Variants in TRIM54 observed in about 807,000 individuals in gnomAD.
TRIM54 encodes the protein tripartite motif-containing protein 54.
TRIM54 carries 40 observed loss-of-function variants against 42.0 expected under a neutral mutation model. The observed-to-expected ratio is 0.95, with a 90% CI of 0.74 to 1.24. TRIM54 has a LOEUF of 1.24. Ranked by LOEUF, TRIM54 falls within the 50% of genes most tolerant of loss-of-function variation. TRIM54 has a pLI of 0.00. For synonymous variants in TRIM54, 199 were observed against 194.9 expected, an observed-to-expected ratio of 1.02 and a Z score of -0.17; for missense variants, 485 against 480.3, an observed-to-expected ratio of 1.01 and a Z score of -0.09.
intron 3 of TRIM54, 27 bp downstream of exon 3, chr2:27,299,443 T>C (rs1338243435): frequency 6.2e-7 from 1 of 1,609,520 alleles, no homozygotes; most frequent in East Asian, 2.2e-5. Context: ...GGAGTAGATA[T>C]GTGAGAGATG....
intron 4 of TRIM54, 44 bp from the exon 5 acceptor site, chr2:27,305,540 G>A: frequency 6.5e-7 from 1 of 1,544,230 alleles, no homozygotes; most frequent in South Asian, 1.2e-5. Context: ...CCAGCCACCG[G>A]GTCTCAGCCA....
chr2:27,287,159 C>T (rs1455444284), intron 1 of TRIM54, among the ~76,000 whole-genome samples: 1 of 152,168 alleles, frequency 6.6e-6, no homozygotes, highest in Non-Finnish European at 1.5e-5. Flanking sequence ...GCTATTTCAC[C>T]ACTTCAAGCC....
chr2:27,304,740 T>TC (rs751689099), intron 3 of TRIM54: 7 of 479,266 alleles, frequency 1.5e-5, no homozygotes, highest in Non-Finnish European at 2.6e-5. Context: ...GTCTGTTCCT[T>TC]CCCCACTTAG....
intron 1 of TRIM54, among the ~76,000 whole-genome samples, chr2:27,293,763 T>C (rs775744281): frequency 6.6e-6 from 1 of 152,170 alleles, no homozygotes; most frequent in Non-Finnish European, 1.5e-5. Context: ...GGCTCACACC[T>C]GTAATCCCAG....
chr2:27,295,365 G>A (rs971589103), intron 1 of TRIM54, among the ~76,000 whole-genome samples: 1 of 152,110 alleles, frequency 6.6e-6, no homozygotes, highest in Non-Finnish European at 1.5e-5. Flanking sequence ...GGAGTGCAAT[G>A]GTATGATCTT....
Position 27,299,291 on chromosome 2 carries a change from GA to G in TRIM54, c.390del (p.Glu131LysfsTer9), listed in dbSNP as rs1260624399. On this transcript the variant is annotated frameshift_variant, in exon 3 of 9. Coordinates refer to ENST00000380075, the MANE Select transcript of TRIM54 (RefSeq NM_187841.3). LOFTEE classifies it high-confidence loss of function. ...GCAGCACCTCATGTGCGAGGAGCAT[GA>G]AGAAGAGAAGATCAATATTTACTGC... ...AEQHLMCEEH[E>X]EEKINIYCLS... 9 of 1,614,048 alleles carry G rather than the reference GA, an allele frequency of 5.6e-6. No homozygotes were observed. The highest frequency in any genetic ancestry group is 6.8e-6 in the Non-Finnish European group (8 of 1,180,058).
At chr2:27,301,240 A>G (rs1393607266) in intron 3 of TRIM54, among the ~76,000 whole-genome samples, 7 of 151,284 alleles carry the variant, frequency 4.6e-5, no homozygotes, top group Admixed American at 4.6e-4. Context: ...CCCAGATTCA[A>G]GCGATTCTCC....
intron 1 of TRIM54, among the ~76,000 whole-genome samples, chr2:27,289,823 C>T (rs1279066732): frequency 6.6e-6 from 1 of 150,480 alleles, no homozygotes; most frequent in Non-Finnish European, 1.5e-5. Flanking sequence ...TTGAGGCCAG[C>T]CTGAGCAACA....
In TRIM54 at chr2:27,282,603, A is replaced by C; in HGVS notation, c.-129A>C. The C allele has an allele frequency of 9.9e-7, 1 of 1,009,296 alleles. No individual in the cohort carries two copies. The highest frequency in any genetic ancestry group is 2.6e-5 in the East Asian group (1 of 38,162). 62.5% of individuals were successfully genotyped at this position (1,009,296 alleles called of 1,614,324 possible). On this transcript the variant is annotated 5_prime_UTR_variant, in exon 1 of 9. Coordinates refer to ENST00000380075, the MANE Select transcript of TRIM54 (RefSeq NM_187841.3). ...CGAGACAAGTTGTTAAAGGGACAGG[A>C]GAGAAAGCAGAGCTATTTCAAGAGT...
Position 27,306,535 on chromosome 2 carries a change from G to T in TRIM54, c.1071G>T (p.Gly357=). The T allele has an allele frequency of 6.5e-7, 1 of 1,550,144 alleles. No homozygotes were observed. The highest frequency in any genetic ancestry group is 2.4e-5 in the East Asian group (1 of 41,626). ...GGCCGGAGGAAGAGCGGCCGGATGG[G>T]CCTTAAGGTGAGAGCCGCCCGATGG... ...SAGPEEERPD[G]P is the part of the protein sequence containing the mutation. The change falls in exon 8 of 9, where the codon GGG becomes GGT. Residue 357 remains glycine (G), a synonymous_variant. Coordinates refer to ENST00000380075, the MANE Select transcript of TRIM54 (RefSeq NM_187841.3). The surrounding 1 kb of genome is among the most constrained non-coding windows in gnomAD (Gnocchi z 6.1).
At position 27,306,198 on chromosome 2, in the gene TRIM54, G is replaced by T. The variant is rs375704005; in HGVS notation, c.867-15G>T. The T allele has an allele frequency of 6.2e-7, 1 of 1,614,070 alleles. No individual in the cohort carries two copies. Among genetic ancestry groups the T allele is most frequent in the South Asian group, 1.1e-5 (1 of 91,084 alleles). The stretch of plus-strand genomic sequence containing the variant: ...TGCTGGGGCATTGCCAGCTGAGTCC[G>T]TGTGGCCACTGCAGGGTCGGGGCCA... On this transcript the variant is annotated splice_polypyrimidine_tract_variant and intron_variant, in intron 6 of 8. Transcript: ENST00000380075. The surrounding 1 kb of genome is among the most constrained non-coding windows in gnomAD (Gnocchi z 6.1).
chr2:27,285,633 T>C (rs1292490604), intron 1 of TRIM54, among the ~76,000 whole-genome samples: 1 of 152,222 alleles, frequency 6.6e-6, no homozygotes, highest in Non-Finnish European at 1.5e-5. Context: ...CATGTATATG[T>C]GTTCTCAGGC....
chr2:27,282,667 A>G lies in TRIM54; in HGVS notation c.-65A>G. The G allele has an allele frequency of 3.3e-6, 5 of 1,508,628 alleles. No homozygotes were observed. Among genetic ancestry groups the G allele is most frequent in the Non-Finnish European group, 4.4e-6 (5 of 1,126,866 alleles). 93.5% of individuals were successfully genotyped at this position (1,508,628 alleles called of 1,614,324 possible). A position where few individuals can be genotyped will look rare whatever the true frequency, so the allele number is the denominator to read the frequency against. On this transcript the variant is annotated 5_prime_UTR_variant, in exon 1 of 9. Coordinates refer to ENST00000380075, the MANE Select transcript of TRIM54 (RefSeq NM_187841.3). The stretch of plus-strand genomic sequence containing the variant: ...GAATCCAGAGGCCATCTAAGCGAGG[A>G]AGGGTCTACAGGCAGTGAGTGAAGG...
intron 1 of TRIM54, among the ~76,000 whole-genome samples, chr2:27,283,582 G>A (rs1010885644): frequency 2.0e-5 from 3 of 152,002 alleles, no homozygotes; most frequent in Non-Finnish European, 4.4e-5. Context: ...TTTTATCTGT[G>A]GTCATGGGGC....
Position 27,306,286 on chromosome 2 carries a change from G to A in TRIM54, c.940G>A (p.Val314Ile), listed in dbSNP as rs142922734. 1,256 of 1,614,156 alleles carry A rather than the reference G, an allele frequency of 7.8e-4. 2 individuals carry two copies. Among genetic ancestry groups the A allele is most frequent in the Non-Finnish European group, 7.2e-4 (849 of 1,180,014 alleles). The change falls in exon 7 of 9, where the codon GTA becomes ATA. Residue 314 changes from valine to isoleucine, a missense_variant. Coordinates refer to ENST00000380075, the MANE Select transcript of TRIM54 (RefSeq NM_187841.3). This position sits in a 1 kb window ranked among gnomAD's most constrained non-coding sequence, Gnocchi z 6.1. Reference protein sequence around the residue: ...PGYESMEQFTVRVEHVAEMLR... With the variant: ...PGYESMEQFTIRVEHVAEMLR... ...CTATGAGAGCATGGAGCAATTCACC[G>A]TAAGGGTGGAGCACGTGGCCGAAAT...
Position 27,305,779 on chromosome 2 carries a change from C to T in TRIM54, c.805C>T (p.Gln269Ter), listed in dbSNP as rs763986917. 1.2e-6 allele frequency: 2 copies of T among 1,610,400 alleles called. No individual in the cohort carries two copies. Among genetic ancestry groups the T allele is most frequent in the South Asian group, 1.1e-5 (1 of 90,356 alleles). The change falls in exon 5 of 9, where the codon CAG becomes TAG. Residue 269 changes from glutamine to a stop codon, truncating the protein, a stop_gained. Transcript: ENST00000380075. LOFTEE classifies it high-confidence loss of function. ...ASSKLVESAI[Q>*]SMEEPQMALY... is the part of the protein sequence containing the mutation. ...CTCTAAGCTGGTGGAGTCTGCCATC[C>T]AGTCCATGGAAGAGCCACAAATGGC...
At chr2:27,293,938 GCTTGAA>G (rs1366905633) in intron 1 of TRIM54, among the ~76,000 whole-genome samples, 1 of 151,908 alleles carries the variant, frequency 6.6e-6, no homozygotes, top group African/African-American at 2.4e-5. Flanking sequence ...CAGGAGAATC[GCTTGAA>G]CCCGGGAGGT....
In TRIM54 at chr2:27,283,989, C is replaced by T. The variant is rs186041304; in HGVS notation, c.168+1090C>T. ...CTCTACCAAAAATACAAAAATTAGC[C>T]GGGCGTGGTTGCAGGCGCCTGTAGT... On this transcript the variant is annotated intron_variant, in intron 1 of 8. Transcript: ENST00000380075. Among the ~76,000 whole-genome samples the T allele has an allele frequency of 2.3e-3, 351 of 152,090 alleles. No homozygotes were observed. The Middle Eastern group carries it at 0.037, about 16-fold the overall frequency.
At chr2:27,305,466 C>A in intron 4 of TRIM54, 118 bp from the exon 5 acceptor site, 4 of 796,928 alleles carry the variant, frequency 5.0e-6, no homozygotes, top group Non-Finnish European at 8.0e-6. Flanking sequence ...CAGCCACTAA[C>A]TCACAGTGTC....
Sources: allele counts gnomAD v4.1 joint callset (sites outside exome capture counted in the v4.1 genomes callset), GRCh38; gene constraint gnomAD v4.1.1; non-coding constraint Gnocchi (gnomAD v3.1); transcripts MANE v1.5; gene names NCBI Gene and HGNC (gene_info 2026-07-23, HGNC 2026-07-21).